UQCC1: variants seen among roughly 807,000 people sequenced by gnomAD.
UQCC1 encodes ubiquinol-cytochrome c reductase complex assembly factor 1.
UQCC1 carries 38 observed loss-of-function variants against 48.0 expected under a neutral mutation model. The observed-to-expected ratio is 0.79, with a 90% CI of 0.61 to 1.04. The LOEUF (loss-of-function observed/expected upper bound fraction) is 1.04, where lower values mean the gene tolerates loss of function less well. Among genes scored for constraint, UQCC1 ranks in the 50% least tolerant of loss-of-function variants. The pLI is 0.00. For synonymous variants in UQCC1, 111 were observed against 129.2 expected, an observed-to-expected ratio of 0.86 and a Z score of 0.95; for missense variants, 368 against 381.8, an observed-to-expected ratio of 0.96 and a Z score of 0.30.
At chr20:35,374,316 T>C in intron 4 of UQCC1, 60 bp from the exon 5 acceptor site, 1 of 1,278,474 alleles carries the variant, frequency 7.8e-7, no homozygotes, top group South Asian at 1.3e-5. Flanking sequence ...CTACTTCCAT[T>C]AGACATGGGT....
At position 35,409,472 on chromosome 20, in the gene UQCC1, G is replaced by GGA. The variant is rs397958568; in HGVS notation, c.24+2467_24+2468insTC. ...GCAACAAGAGCAAAACTCCGTCTCA[G>GGA]AAAAAAAAAAAAAAGTTTAAAAGGT... On this transcript the variant is annotated intron_variant, in intron 1 of 9. Coordinates refer to ENST00000374385, the MANE Select transcript of UQCC1 (RefSeq NM_018244.5). 4.7e-4 allele frequency: 59 copies of GGA among 126,242 alleles called. No individual in the cohort carries two copies. The South Asian group carries it at 5.1e-3, about 11-fold the overall frequency. The allele number at this position is 126,242 out of a possible 1,614,324, so 7.8% of individuals were successfully genotyped here.
chr20:35,347,503 C>A (rs2061444449), intron 6 of UQCC1, among the ~76,000 whole-genome samples: 1 of 152,198 alleles, frequency 6.6e-6, no homozygotes, highest in Non-Finnish European at 1.5e-5. Flanking sequence ...TACACCCACA[C>A]AAGCACCACC....
chr20:35,347,322 TCA>T, intron 6 of UQCC1, 50 bp from the exon 7 acceptor site: 2 of 1,604,450 alleles, frequency 1.2e-6, no homozygotes, highest in Non-Finnish European at 1.7e-6. Flanking sequence ...ATTTTTCACA[TCA>T]CACATTTCCA....
chr20:35,315,846 A>G (rs2061051966), intron 7 of UQCC1, among the ~76,000 whole-genome samples: 1 of 152,138 alleles, frequency 6.6e-6, no homozygotes, highest in African/African-American at 2.4e-5. Flanking sequence ...GGATCGCGCC[A>G]CTGCACTCCA....
intron 7 of UQCC1, among the ~76,000 whole-genome samples, chr20:35,335,566 A>T (rs950090834): frequency 1.3e-5 from 2 of 152,210 alleles, no homozygotes; most frequent in Admixed American, 6.5e-5. Context: ...AAGAAGCCAA[A>T]CATAAAATAC....
intron 1 of UQCC1, 52 bp from the exon 2 acceptor site, chr20:35,394,248 T>A (rs780602382): frequency 1.3e-6 from 2 of 1,485,346 alleles, no homozygotes; most frequent in Non-Finnish European, 1.9e-6. Context: ...ACTCCCTACA[T>A]GGAAGGCAAA....
chr20:35,335,698 C>T (rs180755335), intron 7 of UQCC1, among the ~76,000 whole-genome samples: 72 of 152,266 alleles, frequency 4.7e-4, no homozygotes, highest in African/African-American at 1.6e-3. Context: ...TGCTAATGGG[C>T]ACAGGATTTC....
intron 6 of UQCC1, among the ~76,000 whole-genome samples, chr20:35,362,116 T>C (rs1479006682): frequency 6.6e-6 from 1 of 152,204 alleles, no homozygotes; most frequent in Non-Finnish European, 1.5e-5. Flanking sequence ...AAAGCAGAGA[T>C]AATACCTGAA....
chr20:35,360,963 G>A (rs184565670), intron 6 of UQCC1, among the ~76,000 whole-genome samples: 114 of 152,210 alleles, frequency 7.5e-4, no homozygotes, highest in Admixed American at 1.4e-3. Context: ...GTTGTCTCGG[G>A]TCAGCCACTA....
chr20:35,380,359 A>G (rs553278917), intron 4 of UQCC1, among the ~76,000 whole-genome samples: 1 of 152,352 alleles, frequency 6.6e-6, no homozygotes, highest in South Asian at 2.1e-4. Flanking sequence ...TAGGGACTCA[A>G]GAACATCATT....
At chr20:35,319,377 T>C (rs999666944) in intron 7 of UQCC1, among the ~76,000 whole-genome samples, 4 of 152,148 alleles carry the variant, frequency 2.6e-5, no homozygotes, top group African/African-American at 9.7e-5. Flanking sequence ...GAGCAGCAGG[T>C]CTCAGCTGAA....
At chr20:35,404,992 G>A (rs1245624054) in intron 1 of UQCC1, among the ~76,000 whole-genome samples, 1 of 152,120 alleles carries the variant, frequency 6.6e-6, no homozygotes, top group Non-Finnish European at 1.5e-5. Context: ...ACATACCCAG[G>A]TCTGTGCATA....
At chr20:35,372,225 CT>C (rs900396048) in intron 5 of UQCC1, among the ~76,000 whole-genome samples, 2 of 151,244 alleles carry the variant, frequency 1.3e-5, no homozygotes, top group African/African-American at 2.4e-5. Flanking sequence ...GGCAGAATTG[CT>C]TGAATCCGGG....
At chr20:35,393,203 T>C (rs1347193230) in intron 2 of UQCC1, among the ~76,000 whole-genome samples, 1 of 152,086 alleles carries the variant, frequency 6.6e-6, no homozygotes, top group Non-Finnish European at 1.5e-5. Flanking sequence ...AGGTATGCCT[T>C]CCTAGGAATT....
chr20:35,358,788 G>C (rs578251889), intron 6 of UQCC1, among the ~76,000 whole-genome samples: 1 of 152,182 alleles, frequency 6.6e-6, no homozygotes, highest in South Asian at 2.1e-4. Flanking sequence ...TCAAACTCCC[G>C]ACCTCAAGTG....
At chr20:35,333,101 T>C (rs1044023060) in intron 7 of UQCC1, among the ~76,000 whole-genome samples, 1 of 152,142 alleles carries the variant, frequency 6.6e-6, no homozygotes, top group African/African-American at 2.4e-5. Flanking sequence ...GCACATGTTA[T>C]GGCCAAAAGA....
chr20:35,308,335 C>G (rs766597378), intron 8 of UQCC1, among the ~76,000 whole-genome samples: 3 of 152,280 alleles, frequency 2.0e-5, no homozygotes, highest in African/African-American at 4.8e-5. Context: ...TCAGGCACAT[C>G]ACCCTTCTGC....
chr20:35,327,770 G>A (rs1466181646), intron 7 of UQCC1, among the ~76,000 whole-genome samples: 3 of 152,184 alleles, frequency 2.0e-5, no homozygotes, highest in Non-Finnish European at 4.4e-5. Context: ...GGGAGGTTAA[G>A]GCAGGCAGAT....
chr20:35,374,043 A>T (rs925332835), intron 5 of UQCC1, 141 bp downstream of exon 5: 1 of 633,666 alleles, frequency 1.6e-6, no homozygotes, highest in South Asian at 2.2e-5. Context: ...TTAAAGAGAC[A>T]AATAGACAGT....
Sources: allele counts gnomAD v4.1 joint callset (sites outside exome capture counted in the v4.1 genomes callset), GRCh38; gene constraint gnomAD v4.1.1; transcripts MANE v1.5; gene names NCBI Gene and HGNC (gene_info 2026-07-23, HGNC 2026-07-21).